The following KAZN variants were observed in gnomAD, a reference collection of about 807,000 sequenced individuals.
The protein encoded by KAZN is kazrin.
Under a neutral mutation model 87.4 loss-of-function variants are expected in KAZN, and 40 were observed. That is an observed-to-expected ratio of 0.46 (90% CI 0.36 to 0.60). KAZN has a LOEUF of 0.60. Among genes scored for constraint, KAZN ranks in the 20% least tolerant of loss-of-function variants. The pLI, the probability that KAZN is intolerant of heterozygous loss-of-function variation, is 0.00. For missense variants in KAZN, 898 were observed against 1,073.9 expected, an observed-to-expected ratio of 0.84 and a Z score of 2.29; for synonymous variants, 466 against 458.3, an observed-to-expected ratio of 1.02 and a Z score of -0.22.
At chr1:14,972,974 G>A (rs538417992) in intron 2 of KAZN, among the ~76,000 whole-genome samples, 9 of 151,932 alleles carry the variant, frequency 5.9e-5, no homozygotes, top group Admixed American at 2.0e-4. Flanking sequence ...TCCGAGAGCC[G>A]GCCCTATCCT....
chr1:14,209,412 C>A (rs1467188207), intron 2 of KAZN, among the ~76,000 whole-genome samples: 2 of 152,144 alleles, frequency 1.3e-5, no homozygotes, highest in African/African-American at 4.8e-5. Context: ...TCCAGCATAC[C>A]CCATCTCCAT....
At chr1:14,224,992 G>A (rs1489694351) in intron 2 of KAZN, among the ~76,000 whole-genome samples, 1 of 152,052 alleles carries the variant, frequency 6.6e-6, no homozygotes, top group African/African-American at 2.4e-5. Flanking sequence ...AATGTTCAAA[G>A]ACAAGGATGC....
chr1:14,287,607 A>G (rs1653354560), intron 2 of KAZN, among the ~76,000 whole-genome samples: 1 of 152,300 alleles, frequency 6.6e-6, no homozygotes, highest in African/African-American at 2.4e-5. Flanking sequence ...TTCTAAATAT[A>G]CAATCATGTC....
intron 1 of KAZN, among the ~76,000 whole-genome samples, chr1:14,944,480 T>C (rs1375789464): frequency 6.6e-6 from 1 of 151,956 alleles, no homozygotes; most frequent in Non-Finnish European, 1.5e-5. Flanking sequence ...ATTCTGGAAT[T>C]GCAGGTCTCT....
At chr1:15,042,248 G>A (rs1428739657) in intron 3 of KAZN, among the ~76,000 whole-genome samples, 1 of 152,228 alleles carries the variant, frequency 6.6e-6, no homozygotes, top group Non-Finnish European at 1.5e-5. Flanking sequence ...CGGGTTCTCA[G>A]GGACAACCCT....
intron 1 of KAZN, among the ~76,000 whole-genome samples, chr1:14,060,835 T>C (rs1642765853): frequency 6.6e-6 from 1 of 152,196 alleles, no homozygotes; most frequent in Non-Finnish European, 1.5e-5. Context: ...TCCAGGACCA[T>C]CTTGGGCAAA....
At chr1:14,077,780 G>C (rs1291025325) in intron 1 of KAZN, among the ~76,000 whole-genome samples, 1 of 152,128 alleles carries the variant, frequency 6.6e-6, no homozygotes, top group Non-Finnish European at 1.5e-5. Context: ...TGGGGTGGGG[G>C]GATATGGCTG....
intron 2 of KAZN, among the ~76,000 whole-genome samples, chr1:14,369,948 G>T (rs894620360): frequency 6.6e-6 from 1 of 152,204 alleles, no homozygotes; most frequent in African/African-American, 2.4e-5. Context: ...AACACTGCCT[G>T]CTGGGATTAC....
intron 1 of KAZN, among the ~76,000 whole-genome samples, chr1:14,852,245 G>A (rs1434203695): frequency 6.6e-6 from 1 of 152,152 alleles, no homozygotes; most frequent in Non-Finnish European, 1.5e-5. Context: ...TTTGAGAGTT[G>A]GGCTTTCCTG....
intron 2 of KAZN, among the ~76,000 whole-genome samples, chr1:14,585,854 G>A (rs1289236554): frequency 6.6e-6 from 1 of 152,166 alleles, no homozygotes; most frequent in Non-Finnish European, 1.5e-5. Flanking sequence ...ACATCCCCGA[G>A]GGAAGATGGG....
At chr1:14,120,595 G>T (rs181670776) in intron 1 of KAZN, among the ~76,000 whole-genome samples, 1 of 152,288 alleles carries the variant, frequency 6.6e-6, no homozygotes, top group Admixed American at 6.5e-5. Context: ...GAGGTACCTG[G>T]TCCAAATATA....
intron 1 of KAZN, among the ~76,000 whole-genome samples, chr1:14,743,416 C>G (rs1309908573): frequency 6.9e-6 from 1 of 144,116 alleles, no homozygotes; most frequent in Non-Finnish European, 1.5e-5. Context: ...GGGGACTGAG[C>G]GAGACTCTGT....
intron 2 of KAZN, among the ~76,000 whole-genome samples, chr1:14,462,706 A>G (rs931363325): frequency 6.6e-6 from 1 of 152,184 alleles, no homozygotes; most frequent in Non-Finnish European, 1.5e-5. Flanking sequence ...GTCACATCTT[A>G]CCTGGATGGT....
At chr1:14,197,721 C>T (rs564781002) in intron 2 of KAZN, among the ~76,000 whole-genome samples, 1 of 152,028 alleles carries the variant, frequency 6.6e-6, no homozygotes, top group African/African-American at 2.4e-5. Flanking sequence ...AAAAGAAAAA[C>T]CACCACTACC....
Position 14,413,124 on chromosome 1 carries a change from ATAG to A in KAZN, c.250-185855_250-185853del, listed in dbSNP as rs1020864614. On this transcript the variant is annotated intron_variant, in intron 2 of 16. Coordinates refer to the KAZN transcript ENST00000636203. ...TACATATATATGAACTTAATCTATG[ATAG>A]TAGATTAGATACCTACTAGATAGAG... 1.3e-4 allele frequency among the ~76,000 whole-genome samples: 20 copies of A among 150,568 alleles called. No homozygotes were observed. The East Asian group carries it at 2.1e-3, about 16-fold the overall frequency.
intron 1 of KAZN, among the ~76,000 whole-genome samples, chr1:14,121,512 C>A (rs560441638): frequency 6.6e-6 from 1 of 152,282 alleles, no homozygotes; most frequent in African/African-American, 2.4e-5. Context: ...TGCAAGCAAT[C>A]TGGATCATGA....
At chr1:14,362,167 C>A (rs1374652488) in intron 2 of KAZN, among the ~76,000 whole-genome samples, 3 of 152,210 alleles carry the variant, frequency 2.0e-5, no homozygotes, top group Admixed American at 6.5e-5. Flanking sequence ...TTCAAGGCAG[C>A]ATTCAAGATG....
chr1:14,128,617 G>T (rs1049919909), intron 1 of KAZN, among the ~76,000 whole-genome samples: 1 of 152,054 alleles, frequency 6.6e-6, no homozygotes, highest in African/African-American at 2.4e-5. Flanking sequence ...TTGGATTAGG[G>T]ATCACCCAAA....
At chr1:13,982,672 C>T (rs1638793264) in intron 1 of KAZN, among the ~76,000 whole-genome samples, 1 of 152,154 alleles carries the variant, frequency 6.6e-6, no homozygotes, top group Admixed American at 6.5e-5. Flanking sequence ...TTTACAATCC[C>T]TGAGCTAGAC....
Sources: gnomAD v4.1 joint callset for allele counts (sites outside exome capture counted in the v4.1 genomes callset) on GRCh38, gnomAD v4.1.1 for gene constraint, MANE v1.5 for transcripts, NCBI Gene and HGNC (gene_info 2026-07-23, HGNC 2026-07-21) for gene names.